KDM4C: variants seen among roughly 807,000 people sequenced by gnomAD.
KDM4C encodes the protein lysine-specific demethylase 4C.
Under a neutral mutation model 129.3 loss-of-function variants are expected in KDM4C, and 81 were observed. That is an observed-to-expected ratio of 0.63 (90% CI 0.52 to 0.75). The LOEUF (loss-of-function observed/expected upper bound fraction) is 0.75. Among genes scored for constraint, KDM4C ranks in the 30% least tolerant of loss-of-function variants. The pLI is 0.00. For synonymous variants in KDM4C, 573 were observed against 456.1 expected (o/e 1.26, Z -3.26); for missense variants, 1,457 against 1,304.0 (o/e 1.12, Z -1.81).
chr9:6,769,952 G>A lies in KDM4C; in HGVS notation c.-18+11749G>A, dbSNP rs562260199. ...TCACAGCACTTTGGGAGGTTGAGGC[G>A]GGTGGATCACCTGAGGTCAGGAGTT... On this transcript the variant is annotated intron_variant, in intron 1 of 21. Transcript: ENST00000381309. Among the ~76,000 whole-genome samples, 332 of 152,260 alleles carry A rather than the reference G, an allele frequency of 2.2e-3. 1 individual carries two copies. The highest frequency in any genetic ancestry group is 7.3e-3 in the African/African-American group (304 of 41,560).
chr9:6,733,492 C>T (rs1281517265), intron 1 of KDM4C, among the ~76,000 whole-genome samples: 1 of 152,214 alleles, frequency 6.6e-6, no homozygotes, highest in South Asian at 2.1e-4. Context: ...TGGACCCTGT[C>T]TCAGGGCCAT....
intron 8 of KDM4C, among the ~76,000 whole-genome samples, chr9:6,963,411 C>G (rs1359029420): frequency 6.6e-6 from 1 of 152,124 alleles, no homozygotes; most frequent in Non-Finnish European, 1.5e-5. Context: ...TACAGGAAGC[C>G]CAGAGGCTGA....
chr9:6,964,116 T>G (rs1322214131), intron 8 of KDM4C, among the ~76,000 whole-genome samples: 2 of 152,232 alleles, frequency 1.3e-5, no homozygotes, highest in East Asian at 3.8e-4. Context: ...ATACTTTAAG[T>G]TCTAGGCTAC....
intron 1 of KDM4C, among the ~76,000 whole-genome samples, chr9:6,786,690 G>A (rs551587117): frequency 6.6e-6 from 1 of 152,134 alleles, no homozygotes; most frequent in Non-Finnish European, 1.5e-5. Context: ...AAGAGGGACT[G>A]GGGATTTAAT....
chr9:7,034,148 G>A (rs1441875624), intron 15 of KDM4C, among the ~76,000 whole-genome samples: 1 of 151,990 alleles, frequency 6.6e-6, no homozygotes, highest in Non-Finnish European at 1.5e-5. Flanking sequence ...TACATACAAT[G>A]TATAGTGATC....
At chr9:7,133,851 C>G (rs1246561073) in intron 19 of KDM4C, among the ~76,000 whole-genome samples, 1 of 152,154 alleles carries the variant, frequency 6.6e-6, no homozygotes, top group Non-Finnish European at 1.5e-5. Flanking sequence ...GAGTTGTTCC[C>G]AGAAACGTTC....
intron 5 of KDM4C, among the ~76,000 whole-genome samples, chr9:6,871,771 A>G (rs142478454): frequency 1.3e-5 from 2 of 152,218 alleles, no homozygotes; most frequent in Non-Finnish European, 2.9e-5. Flanking sequence ...CAGGCACTCT[A>G]CAAGGTAGAT....
chr9:6,944,296 TTTAA>T (rs1465083592), intron 8 of KDM4C, among the ~76,000 whole-genome samples: 1 of 152,228 alleles, frequency 6.6e-6, no homozygotes, highest in East Asian at 1.9e-4. Context: ...TAGTTTATCC[TTTAA>T]TTGTCTGGAA....
intron 7 of KDM4C, among the ~76,000 whole-genome samples, chr9:6,889,211 T>TGTGTGTGTGTG (rs1845737956): frequency 9.7e-5 from 6 of 61,616 alleles, no homozygotes; most frequent in South Asian, 9.2e-4. Context: ...GGCCTTCTTT[T>TGTGTGTGTGTG]TGTGTGTGTG....
chr9:7,065,285 A>G (rs1213164142), intron 17 of KDM4C, among the ~76,000 whole-genome samples: 1 of 152,126 alleles, frequency 6.6e-6, no homozygotes, highest in Non-Finnish European at 1.5e-5. Flanking sequence ...TGTTGGGAAT[A>G]TAAAATATAT....
rs760644259 is a variant in KDM4C at position 6,785,503 on chromosome 9, A to AT, written c.-17-7462dup. 4.6e-5 allele frequency among the ~76,000 whole-genome samples: 7 copies of AT among 151,928 alleles called. No homozygotes were observed. In the South Asian group the frequency reaches 1.5e-3, roughly 32 times the overall value. ...AGGCACCCGCCACCATGCCTGGCTA[A>AT]TTTTTTTGTATTTTTAGTAGAGACA... On this transcript the variant is annotated intron_variant, in intron 1 of 21. Transcript: ENST00000381309.
intron 17 of KDM4C, among the ~76,000 whole-genome samples, chr9:7,103,117 A>T (rs1200106370): frequency 6.6e-6 from 1 of 152,102 alleles, no homozygotes; most frequent in Non-Finnish European, 1.5e-5. Flanking sequence ...TTTTTTTGTC[A>T]GTCATGAAGG....
chr9:7,127,527 A>G (rs773885192), intron 18 of KDM4C, among the ~76,000 whole-genome samples: 4 of 152,190 alleles, frequency 2.6e-5, no homozygotes, highest in Non-Finnish European at 4.4e-5. Context: ...CCAAAGTAGC[A>G]CTACCATAAA....
chr9:6,927,091 CT>C (rs1563826512), intron 8 of KDM4C, among the ~76,000 whole-genome samples: 1 of 76,078 alleles, frequency 1.3e-5, no homozygotes, highest in Non-Finnish European at 2.9e-5. Flanking sequence ...AAAAAATTTT[CT>C]ATCTATCTAT....
intron 19 of KDM4C, among the ~76,000 whole-genome samples, chr9:7,157,684 T>C (rs970910811): frequency 5.9e-5 from 9 of 152,226 alleles, no homozygotes; most frequent in Non-Finnish European, 8.8e-5. Flanking sequence ...TGAACCAGCC[T>C]TGCATCCCAG....
chr9:6,903,954 C>T (rs573477285), intron 8 of KDM4C, among the ~76,000 whole-genome samples: 1 of 152,198 alleles, frequency 6.6e-6, no homozygotes, highest in African/African-American at 2.4e-5. Context: ...ATATATCTTT[C>T]ATTAGCCGGG....
At chr9:6,833,907 T>A (rs1386019215) in intron 4 of KDM4C, among the ~76,000 whole-genome samples, 4 of 152,094 alleles carry the variant, frequency 2.6e-5, no homozygotes, top group Non-Finnish European at 5.9e-5. Context: ...TGAAGAATGT[T>A]TGTTTAGGAG....
At chr9:6,779,711 C>T (rs1431290862) in intron 1 of KDM4C, among the ~76,000 whole-genome samples, 1 of 152,164 alleles carries the variant, frequency 6.6e-6, no homozygotes, top group Non-Finnish European at 1.5e-5. Context: ...TCCCTTTCTG[C>T]TTAAGTTAAC....
intron 17 of KDM4C, chr9:7,076,939 C>A: frequency 1.0e-6 from 1 of 986,238 alleles, no homozygotes; most frequent in Non-Finnish European, 1.2e-6. Flanking sequence ...AGAAGTTACA[C>A]CATTTTTCTA....
Sources: allele counts gnomAD v4.1 joint callset (sites outside exome capture counted in the v4.1 genomes callset), GRCh38; gene constraint gnomAD v4.1.1; transcripts MANE v1.5; gene names NCBI Gene and HGNC (gene_info 2026-07-23, HGNC 2026-07-21).